The following NOP53 variants were observed in gnomAD, a reference collection of about 807,000 sequenced individuals.
NOP53 encodes the protein NOP53 ribosome biogenesis factor.
A neutral mutation model predicts 61.0 loss-of-function variants in NOP53; 40 were observed. The ratio of observed to expected loss-of-function variants is 0.66; its 90% CI spans 0.51 to 0.85. NOP53 has a LOEUF of 0.85. Among genes scored for constraint, NOP53 ranks in the 40% least tolerant of loss-of-function variants. NOP53 has a pLI of 0.00. For missense variants in NOP53, 689 were observed against 652.9 expected, an observed-to-expected ratio of 1.06 and a Z score of -0.60; for synonymous variants, 308 against 289.5, an observed-to-expected ratio of 1.06 and a Z score of -0.65.
intron 1 of NOP53, 170 bp from the exon 2 acceptor site, chr19:47,746,797 C>T (rs966206430): frequency 1.8e-6 from 1 of 570,822 alleles, no homozygotes; most frequent in East Asian, 3.1e-5. Flanking sequence ...GCCACTGCGC[C>T]TGGCAGTCCT....
At chr19:47,748,209 G>T (rs1967086821) in intron 2 of NOP53, among the ~76,000 whole-genome samples, 1 of 152,086 alleles carries the variant, frequency 6.6e-6, no homozygotes, top group African/African-American at 2.4e-5. Context: ...ATAGGCGTGA[G>T]CCGCTGCGCC....
Position 47,755,336 on chromosome 19 carries a change from C to A in NOP53, c.1054-12C>A. ...CACCGGCCTGAGCCCTGACCCTCCC[C>A]CGTCTCCACAGCGGGTACAGCAGGC... On this transcript the variant is annotated splice_polypyrimidine_tract_variant and intron_variant, in intron 8 of 12. Transcript: ENST00000246802. The A allele has an allele frequency of 6.7e-7, 1 of 1,484,612 alleles. No homozygotes were observed. Among genetic ancestry groups the A allele is most frequent in the Non-Finnish European group, 8.9e-7 (1 of 1,125,444 alleles). The allele number at this position is 1,484,612 out of a possible 1,614,324, so 92.0% of individuals were successfully genotyped here.
chr19:47,747,084 T>G (rs1305712041), intron 2 of NOP53, 53 bp downstream of exon 2: 1 of 1,380,474 alleles, frequency 7.2e-7, no homozygotes, highest in Non-Finnish European at 1.0e-6. Context: ...GTTAGTCAGC[T>G]TACGGTAGCC....
chr19:47,756,188 C>G, intron 10 of NOP53: 1 of 520,722 alleles, frequency 1.9e-6, no homozygotes, highest in Non-Finnish European at 3.5e-6. Flanking sequence ...CAGCCACACG[C>G]CTGGGCCGAC....
At position 47,755,450 on chromosome 19, in the gene NOP53, G is replaced by T; in HGVS notation, c.1156G>T (p.Ala386Ser). 1 of 1,516,084 alleles carries T rather than the reference G, an allele frequency of 6.6e-7. No individual in the cohort carries two copies. Among genetic ancestry groups the T allele is most frequent in the Non-Finnish European group, 8.8e-7 (1 of 1,135,820 alleles). 93.9% of individuals were successfully genotyped at this position (1,516,084 alleles called of 1,614,324 possible). A position where few individuals can be genotyped will look rare whatever the true frequency, so the allele number is the denominator to read the frequency against. The change falls in exon 9 of 13, where the codon GCG becomes TCG. Residue 386 changes from alanine (A) to serine (S), a missense_variant. Ala to Ser is a moderately conservative substitution (Grantham distance 99). Transcript: ENST00000246802. ...GGTGGCCCTGAGGCTGGCGGAGCTG[G>T]CGCGGCGGCAGAGGCGGCGGCAGGC... ...AQVALRLAEL[A>S]RRQRRRQARR... is the part of the protein sequence containing the mutation.
intron 6 of NOP53, 122 bp downstream of exon 6, chr19:47,752,729 G>A (rs553032041): frequency 1.5e-4 from 99 of 665,276 alleles, no homozygotes; most frequent in South Asian, 4.5e-4. Context: ...TGTCCGCAAC[G>A]GGGCTCACGG....
chr19:47,746,134 A>G lies in NOP53; in HGVS notation c.224+351A>G, dbSNP rs949390641. The G allele has an allele frequency of 1.4e-4, 35 of 245,896 alleles. 2 individuals are homozygous for G. In the South Asian group the frequency reaches 2.1e-3, roughly 15 times the overall value. 15.2% of individuals were successfully genotyped at this position (245,896 alleles called of 1,614,324 possible). A position where few individuals can be genotyped will look rare whatever the true frequency, so the allele number is the denominator to read the frequency against. On this transcript the variant is annotated intron_variant, in intron 1 of 12. Transcript: ENST00000246802. ...TGTATGTATATATGTGTGTGTATAT[A>G]TATGTGTATATGTGTGTATATATAT...
Position 47,755,483 on chromosome 19 carries a change from GAGGCTGAGGCTGACAAGCCCCGA to G in NOP53, c.1196_1218del (p.Glu399GlyfsTer9). The G allele has an allele frequency of 2.0e-6, 3 of 1,479,924 alleles. No homozygotes were observed. Among genetic ancestry groups the G allele is most frequent in the Non-Finnish European group, 2.7e-6 (3 of 1,121,066 alleles). 91.7% of individuals were successfully genotyped at this position (1,479,924 alleles called of 1,614,324 possible). On this transcript the variant is annotated frameshift_variant, in exon 9 of 13. Transcript: ENST00000246802. LOFTEE classifies it high-confidence loss of function. ...GCAGAGGCGGCGGCAGGCGCGGCGG[GAGGCTGAGGCTGACAAGCCCCGA>G]AGGCTGGGGCGGCTCAAGTGAGAAC... is the stretch of plus-strand genomic sequence containing the variant.
At chr19:47,749,415 G>C (rs576305131) in intron 2 of NOP53, among the ~76,000 whole-genome samples, 15 of 152,264 alleles carry the variant, frequency 9.9e-5, no homozygotes, top group African/African-American at 3.6e-4. Flanking sequence ...CAGCCCCTGT[G>C]CTTTGTGGGC....
intron 2 of NOP53, among the ~76,000 whole-genome samples, chr19:47,748,886 G>C (rs973059837): frequency 6.6e-6 from 1 of 151,586 alleles, no homozygotes; most frequent in Non-Finnish European, 1.5e-5. Flanking sequence ...CTCAAGCTGG[G>C]CGTGGTGGCT....
intron 4 of NOP53, 99 bp downstream of exon 4, chr19:47,751,206 C>A: frequency 8.6e-7 from 1 of 1,169,058 alleles, no homozygotes; most frequent in Non-Finnish European, 1.2e-6. Context: ...AAAGGGAGTG[C>A]TTTGTGGGTG....
Position 47,745,747 on chromosome 19 carries a change from TC to T in NOP53, c.190del (p.Leu64TrpfsTer35). 2 of 1,595,496 alleles carry T rather than the reference TC, an allele frequency of 1.3e-6. No individual in the cohort carries two copies. Among genetic ancestry groups the T allele is most frequent in the Non-Finnish European group, 1.7e-6 (2 of 1,170,784 alleles). ...CCGCTGGGGCTGGAGGTTGACCAGT[TC>T]CTGGAAGACGTGCGGCTACAGGAGC... ...QEPLGLEVDQ[F>X]LEDVRLQERT... On this transcript the variant is annotated frameshift_variant, in exon 1 of 13. Transcript: ENST00000246802. LOFTEE classifies it high-confidence loss of function.
chr19:47,755,872 C>T (rs1396843668), intron 10 of NOP53, 50 bp downstream of exon 10: 59 of 1,483,732 alleles, frequency 4.0e-5, no homozygotes, highest in Non-Finnish European at 5.2e-5. Flanking sequence ...ATGACACCAT[C>T]CTTGCTCCCC....
intron 6 of NOP53, chr19:47,753,015 C>T (rs940502638): frequency 2.2e-5 from 4 of 180,202 alleles, no homozygotes; most frequent in African/African-American, 9.3e-5. Flanking sequence ...GCTGTGGTGA[C>T]ACGGTGGCAC....
intron 6 of NOP53, 70 bp downstream of exon 6, chr19:47,752,677 TC>T: frequency 1.0e-6 from 1 of 970,162 alleles, no homozygotes; most frequent in Admixed American, 1.8e-5. Context: ...ACTAGCTTCC[TC>T]CCTGTGCTGG....
At chr19:47,748,869 ACT>A (rs984325198) in intron 2 of NOP53, among the ~76,000 whole-genome samples, 33 of 150,784 alleles carry the variant, frequency 2.2e-4, no homozygotes, top group African/African-American at 3.4e-4. Context: ...ACAGAGCAAG[ACT>A]CTGTCTCAAG....
At chr19:47,756,412 A>T (rs1006267444) in intron 10 of NOP53, 116 bp from the exon 11 acceptor site, 1 of 748,388 alleles carries the variant, frequency 1.3e-6, no homozygotes, top group Non-Finnish European at 2.2e-6. Context: ...CCTGGTGCCC[A>T]CAGGCTGCCC....
At position 47,751,598 on chromosome 19, in the gene NOP53, G is replaced by T; in HGVS notation, c.669+8G>T. On this transcript the variant is annotated splice_region_variant and intron_variant, in intron 5 of 12. Coordinates refer to ENST00000246802, the MANE Select transcript of NOP53 (RefSeq NM_015710.5). Reference sequence around the variant, plus strand: ...AAGAAGAAAGGAGTGAAGGTGAGATGTGTGGGAAGGGCATCCTGGGTGATG... The same window carrying T: ...AAGAAGAAAGGAGTGAAGGTGAGATTTGTGGGAAGGGCATCCTGGGTGATG... 6.2e-7 allele frequency: 1 copy of T among 1,611,478 alleles called. No homozygotes were observed. Among genetic ancestry groups the T allele is most frequent in the Non-Finnish European group, 8.5e-7 (1 of 1,177,728 alleles).
chr19:47,747,849 C>T, intron 2 of NOP53, among the ~76,000 whole-genome samples: 1 of 124,810 alleles, frequency 8.0e-6, no homozygotes, highest in Middle Eastern at 6.7e-3. Context: ...GGCGTGATCT[C>T]AGCTCACCGC....
Sources: allele counts gnomAD v4.1 joint callset (sites outside exome capture counted in the v4.1 genomes callset), GRCh38; gene constraint gnomAD v4.1.1; transcripts MANE v1.5; gene names NCBI Gene and HGNC (gene_info 2026-07-23, HGNC 2026-07-21).